Variants in GABRB1 observed in about 807,000 individuals in gnomAD.
GABRB1 encodes gamma-aminobutyric acid receptor subunit beta-1.
A neutral mutation model predicts 51.6 loss-of-function variants in GABRB1; 17 were observed. The observed-to-expected ratio is 0.33, with a 90% confidence interval of 0.23 to 0.49. The LOEUF is 0.49. GABRB1 is among the 20% of genes least tolerant of loss of function. The pLI, the probability that GABRB1 is intolerant of heterozygous loss-of-function variation, is 0.99. For synonymous variants in GABRB1, 247 were observed against 218.9 expected, an observed-to-expected ratio of 1.13 and a Z score of -1.14; for missense variants, 410 against 600.6, an observed-to-expected ratio of 0.68 and a Z score of 3.32.
chr4:47,136,321 A>T (rs1396730976), intron 3 of GABRB1, among the ~76,000 whole-genome samples: 1 of 152,074 alleles, frequency 6.6e-6, no homozygotes, highest in Non-Finnish European at 1.5e-5. Context: ...TCCCTGGAAC[A>T]GGTGTCCTTC....
At chr4:47,172,520 T>TAG (rs1255526972) in intron 4 of GABRB1, among the ~76,000 whole-genome samples, 1 of 151,958 alleles carries the variant, frequency 6.6e-6, no homozygotes, top group Non-Finnish European at 1.5e-5. Context: ...GCTCACTAAG[T>TAG]AGAGCATGCT....
chr4:47,410,140 T>C (rs1241889511), intron 8 of GABRB1, among the ~76,000 whole-genome samples: 1 of 152,224 alleles, frequency 6.6e-6, no homozygotes, highest in African/African-American at 2.4e-5. Flanking sequence ...TCCTCAACTG[T>C]CAGAAGACAA....
intron 4 of GABRB1, among the ~76,000 whole-genome samples, chr4:47,242,102 G>C (rs1263106993): frequency 6.6e-6 from 1 of 150,754 alleles, no homozygotes; most frequent in Non-Finnish European, 1.5e-5. Flanking sequence ...TGTTCTCATT[G>C]TTCCGTTCCC....
At chr4:47,113,900 T>C (rs187436392) in intron 3 of GABRB1, among the ~76,000 whole-genome samples, 22 of 152,334 alleles carry the variant, frequency 1.4e-4, no homozygotes, top group Admixed American at 8.5e-4. Flanking sequence ...GATCCATACA[T>C]AGAGTGTCCA....
intron 4 of GABRB1, among the ~76,000 whole-genome samples, chr4:47,210,135 G>C (rs142261339): frequency 1.3e-5 from 2 of 152,110 alleles, no homozygotes; most frequent in South Asian, 2.1e-4. Context: ...ATCAGGAAGA[G>C]AGGAATGCAG....
Position 47,260,921 on chromosome 4 carries a change from G to A in GABRB1, c.462-59206G>A, listed in dbSNP as rs961219278. Reference sequence around the variant, plus strand: ...TATGCAAATCAATAAATGTAATCCAGCATATAAACAGAACCAAAGACAAAA... The same window carrying A: ...TATGCAAATCAATAAATGTAATCCAACATATAAACAGAACCAAAGACAAAA... On this transcript the variant is annotated intron_variant, in intron 4 of 8. Transcript: ENST00000295454. Among the ~76,000 whole-genome samples the A allele has an allele frequency of 1.1e-4, 17 of 152,190 alleles. 2 individuals carry two copies. Among genetic ancestry groups the A allele is most frequent in the Admixed American group, 7.2e-4 (11 of 15,280 alleles).
chr4:47,381,893 A>G (rs1352568310), intron 5 of GABRB1, among the ~76,000 whole-genome samples: 1 of 152,214 alleles, frequency 6.6e-6, no homozygotes, highest in Non-Finnish European at 1.5e-5. Flanking sequence ...TAAACCAAAG[A>G]GCAAAGAATT....
intron 8 of GABRB1, 63 bp downstream of exon 8, chr4:47,406,989 GCT>G: frequency 6.7e-7 from 1 of 1,488,548 alleles, no homozygotes. Flanking sequence ...GATGCCTCGG[GCT>G]CTCATAACTT....
intron 5 of GABRB1, among the ~76,000 whole-genome samples, chr4:47,362,827 GA>G (rs1396878426): frequency 3.9e-5 from 6 of 152,112 alleles, no homozygotes; most frequent in African/African-American, 1.4e-4. Context: ...TATTGTGTTA[GA>G]TTTTGAGAAT....
At chr4:47,292,676 T>C (rs137978012) in intron 4 of GABRB1, among the ~76,000 whole-genome samples, 1 of 152,182 alleles carries the variant, frequency 6.6e-6, no homozygotes, top group Non-Finnish European at 1.5e-5. Context: ...ACTGGGTAAT[T>C]TATTGTGAAC....
chr4:47,044,275 A>G (rs1489262115), intron 3 of GABRB1, among the ~76,000 whole-genome samples: 1 of 152,070 alleles, frequency 6.6e-6, no homozygotes, highest in Non-Finnish European at 1.5e-5. Context: ...CATAGTTAAA[A>G]TCAGTGTCCA....
upstream of GABRB1, among the ~76,000 whole-genome samples, chr4:47,027,507 A>C (rs1725138442): frequency 6.6e-6 from 1 of 151,718 alleles, no homozygotes; most frequent in Admixed American, 6.6e-5. Context: ...TAGCTAAAGT[A>C]TATTAAATAG....
chr4:47,390,077 T>C (rs940500870), intron 5 of GABRB1, among the ~76,000 whole-genome samples: 1 of 152,226 alleles, frequency 6.6e-6, no homozygotes, highest in Admixed American at 6.5e-5. Flanking sequence ...AAAAAGAAAT[T>C]TACCTTTCCT....
At chr4:47,261,082 CA>C (rs1193833207) in intron 4 of GABRB1, among the ~76,000 whole-genome samples, 1 of 152,174 alleles carries the variant, frequency 6.6e-6, no homozygotes, top group Non-Finnish European at 1.5e-5. Context: ...GACGAACCCA[CA>C]GCCAATATCA....
chr4:47,320,006 C>G, intron 4 of GABRB1, 121 bp from the exon 5 acceptor site: 1 of 720,416 alleles, frequency 1.4e-6, no homozygotes, highest in Non-Finnish European at 2.5e-6. Context: ...TTCTTAAAAT[C>G]TCACAAAATT....
intron 3 of GABRB1, among the ~76,000 whole-genome samples, chr4:47,081,539 T>C (rs1335623466): frequency 6.6e-6 from 1 of 152,168 alleles, no homozygotes. Flanking sequence ...CTTTCAAATA[T>C]TCAGATATGG....
At chr4:47,092,944 A>G (rs907411449) in intron 3 of GABRB1, among the ~76,000 whole-genome samples, 3 of 152,220 alleles carry the variant, frequency 2.0e-5, no homozygotes, top group Non-Finnish European at 4.4e-5. Context: ...ACTGCAAAAT[A>G]TAACTATAGT....
chr4:47,361,593 A>C (rs938032001), intron 5 of GABRB1, among the ~76,000 whole-genome samples: 2 of 152,302 alleles, frequency 1.3e-5, no homozygotes, highest in African/African-American at 4.8e-5. Flanking sequence ...AGAAGTACAG[A>C]GTGGAAGTGA....
intron 4 of GABRB1, among the ~76,000 whole-genome samples, chr4:47,188,463 T>G (rs890465915): frequency 8.6e-5 from 13 of 151,974 alleles, no homozygotes; most frequent in African/African-American, 3.1e-4. Flanking sequence ...AATATTGTAT[T>G]TTGGATGCCA....
Sources: allele counts gnomAD v4.1 joint callset (sites outside exome capture counted in the v4.1 genomes callset), GRCh38; gene constraint gnomAD v4.1.1; transcripts MANE v1.5; gene names NCBI Gene and HGNC (gene_info 2026-07-23, HGNC 2026-07-21).